Variants in TCF4 observed in about 807,000 individuals in gnomAD.
The protein encoded by TCF4 is transcription factor 4.
In TCF4, 3 loss-of-function variants were observed where a neutral mutation model predicts 82.1. The ratio of observed to expected loss-of-function variants is 0.04; its 90% confidence interval spans 0.02 to 0.09. The LOEUF (loss-of-function observed/expected upper bound fraction) is 0.09, where lower values mean the gene tolerates loss of function less well. Ranked by LOEUF, TCF4 falls within the 10% of genes least tolerant of loss-of-function variation. The probability of loss-of-function intolerance (pLI) is 1.00; values close to 1 mark genes in which losing one functional copy is unlikely to be tolerated. For missense variants in TCF4, 518 were observed against 852.7 expected (o/e 0.61, Z 4.89); for synonymous variants, 276 against 309.6 (o/e 0.89, Z 1.14).
At chr18:55,380,219 C>T (rs1265746067) in intron 6 of TCF4, among the ~76,000 whole-genome samples, 1 of 151,942 alleles carries the variant, frequency 6.6e-6, no homozygotes, top group African/African-American at 2.4e-5. Flanking sequence ...CTCGTGGTAT[C>T]CTCACATGGA....
chr18:55,388,175 T>C (rs901546982), intron 6 of TCF4, among the ~76,000 whole-genome samples: 2 of 152,226 alleles, frequency 1.3e-5, no homozygotes, highest in African/African-American at 2.4e-5. Flanking sequence ...AAAGTAAACA[T>C]GAAGAGGAAA....
At chr18:55,432,189 G>C (rs1327344642) in intron 5 of TCF4, among the ~76,000 whole-genome samples, 3 of 152,188 alleles carry the variant, frequency 2.0e-5, no homozygotes, top group Non-Finnish European at 4.4e-5. Context: ...TGTAGTCCCA[G>C]CCACTTGGGT....
At chr18:55,262,482 G>A (rs1660256990) in intron 11 of TCF4, among the ~76,000 whole-genome samples, 1 of 152,122 alleles carries the variant, frequency 6.6e-6, no homozygotes, top group African/African-American at 2.4e-5. Flanking sequence ...ACCTATTAAA[G>A]TTCTGAGGGA....
intron 8 of TCF4, among the ~76,000 whole-genome samples, chr18:55,347,989 C>T (rs1309599537): frequency 6.6e-6 from 1 of 152,016 alleles, no homozygotes; most frequent in Non-Finnish European, 1.5e-5. Flanking sequence ...ATCAAATAGT[C>T]ATAATTTTAT....
Position 55,332,702 on chromosome 18 carries a change from T to G in TCF4, c.549+17657A>C, listed in dbSNP as rs544191054. Among the ~76,000 whole-genome samples, 3 of 152,350 alleles carry G rather than the reference T, an allele frequency of 2.0e-5. No homozygotes were observed. The Middle Eastern group carries it at 0.01, about 518-fold the overall frequency. On this transcript the variant is annotated intron_variant, in intron 8 of 19. Transcript: ENST00000354452. ...CAGGAGGCGTGGCACTTAGTAGGTG[T>G]GCTATAAATATTTGTGAATTTTTCA...
intron 15 of TCF4, among the ~76,000 whole-genome samples, chr18:55,251,329 A>C (rs1354397218): frequency 2.0e-5 from 3 of 152,202 alleles, no homozygotes; most frequent in African/African-American, 7.2e-5. Context: ...GTGAAAAAAA[A>C]AAATCCCTTT....
At chr18:55,391,961 T>C (rs2093149981) in intron 6 of TCF4, among the ~76,000 whole-genome samples, 1 of 84,432 alleles carries the variant, frequency 1.2e-5, no homozygotes, top group South Asian at 4.9e-4. Flanking sequence ...AAATCTTTTT[T>C]TTTTTTTTTT....
chr18:55,409,201 G>A (rs2094232840), intron 5 of TCF4, among the ~76,000 whole-genome samples: 1 of 152,148 alleles, frequency 6.6e-6, no homozygotes, highest in Admixed American at 6.6e-5. Flanking sequence ...GCATCACTCA[G>A]TGTCATCTAT....
Position 55,542,497 on chromosome 18 carries a change from G to A in TCF4, c.145+42783C>T, listed in dbSNP as rs566307480. On this transcript the variant is annotated intron_variant, in intron 3 of 19. Transcript: ENST00000354452. ...ACAAATGAGTCAACCAAGAAGACAT[G>A]TTTCATATTCACTACATGGATGAAA... Among the ~76,000 whole-genome samples the A allele has an allele frequency of 2.6e-5, 4 of 151,154 alleles. No homozygotes were observed. The South Asian group carries it at 8.3e-4, about 31-fold the overall frequency.
chr18:55,562,402 T>G (rs1332008015), intron 3 of TCF4, among the ~76,000 whole-genome samples: 1 of 152,238 alleles, frequency 6.6e-6, no homozygotes, highest in Non-Finnish European at 1.5e-5. Context: ...AGCATGAGGC[T>G]TTTTTAGCTT....
rs537079954 is a variant in TCF4 at position 55,511,020 on chromosome 18, A to G, written c.146-46883T>C. ...GCCTCATTTCCTTCAACCGTTCAACATGCCTCTCTTGGAGATGTTTGTAAA... is the reference window on the plus strand; with the variant it reads ...GCCTCATTTCCTTCAACCGTTCAACGTGCCTCTCTTGGAGATGTTTGTAAA... On this transcript the variant is annotated intron_variant, in intron 3 of 19. Coordinates refer to ENST00000354452, the MANE Select transcript of TCF4 (RefSeq NM_001083962.2). Among the ~76,000 whole-genome samples, 7 of 152,236 alleles carry G rather than the reference A, an allele frequency of 4.6e-5. No individual in the cohort carries two copies. In the South Asian group the frequency reaches 1.2e-3, roughly 27 times the overall value.
At position 55,599,984 on chromosome 18, in the gene TCF4, C is replaced by A. The variant is rs550925903; in HGVS notation, c.287-12848G>T. Among the ~76,000 whole-genome samples, 11 of 152,292 alleles carry A rather than the reference C, an allele frequency of 7.2e-5. No homozygotes were observed. The East Asian group carries it at 2.1e-3, about 29-fold the overall frequency. On this transcript the variant is annotated intron_variant, in intron 2 of 20. Transcript: ENST00000398339. The stretch of plus-strand genomic sequence containing the variant: ...TATATCATCCAGTGTATATTCAACT[C>A]CATGTGGCTTCTGTCACTCATTGTA...
chr18:55,534,520 A>C (rs2097098295), intron 3 of TCF4, among the ~76,000 whole-genome samples: 1 of 147,956 alleles, frequency 6.8e-6, no homozygotes, highest in Non-Finnish European at 1.5e-5. Context: ...ATCAAAAGAC[A>C]AAGCTTAGGC....
At chr18:55,277,639 T>C (rs890268525) in intron 9 of TCF4, among the ~76,000 whole-genome samples, 1 of 150,828 alleles carries the variant, frequency 6.6e-6, no homozygotes, top group Non-Finnish European at 1.5e-5. Context: ...GGTATGCATA[T>C]GCAGATAAAC....
chr18:55,586,049 C>A, intron 2 of TCF4: 1 of 1,391,490 alleles, frequency 7.2e-7, no homozygotes, highest in Non-Finnish European at 9.5e-7. Context: ...GGCTGCAAAG[C>A]TGCCTGCCTA....
chr18:55,488,639 C>A (rs1177263968), intron 3 of TCF4, among the ~76,000 whole-genome samples: 2 of 152,160 alleles, frequency 1.3e-5, no homozygotes, highest in Admixed American at 6.5e-5. Context: ...TGATTCCAAT[C>A]CTGCATCCTC....
At chr18:55,278,562 G>GTTTA (rs201378213) in intron 9 of TCF4, among the ~76,000 whole-genome samples, 6,924 of 105,050 alleles carry the variant, frequency 0.066, 283 homozygotes, top group African/African-American at 0.15. Flanking sequence ...TTATTTGTTT[G>GTTTA]TTTATTTATT....
chr18:55,293,206 T>C (rs1007231771), intron 8 of TCF4, among the ~76,000 whole-genome samples: 2 of 152,082 alleles, frequency 1.3e-5, no homozygotes, highest in African/African-American at 4.8e-5. Context: ...AAAAAAAATA[T>C]TAGCAAGGGC....
chr18:55,234,719 A>C, intron 15 of TCF4, 36 bp from the exon 16 acceptor site: 1 of 1,613,582 alleles, frequency 6.2e-7, no homozygotes, highest in Non-Finnish European at 8.5e-7. Flanking sequence ...GGTGAGCAGG[A>C]ACCGGAGGTG....
Sources: gnomAD v4.1 joint callset for allele counts (sites outside exome capture counted in the v4.1 genomes callset) on GRCh38, gnomAD v4.1.1 for gene constraint, MANE v1.5 for transcripts, NCBI Gene and HGNC (gene_info 2026-07-23, HGNC 2026-07-21) for gene names.